The following MUC5B variants were observed in gnomAD, a reference collection of about 807,000 sequenced individuals.
MUC5B encodes the protein mucin-5B.
In MUC5B, 116 loss-of-function variants were observed where a neutral mutation model predicts 376.9. The observed-to-expected ratio is 0.31, with a 90% confidence interval of 0.26 to 0.36. MUC5B has a LOEUF of 0.36. Among genes scored for constraint, MUC5B ranks in the 10% least tolerant of loss-of-function variants. The pLI, the probability that MUC5B is intolerant of heterozygous loss-of-function variation, is 1.00. For missense variants in MUC5B, 7,165 were observed against 7,769.9 expected (o/e 0.92, Z 2.93); for synonymous variants, 3,517 against 3,390.9 (o/e 1.04, Z -1.29).
In MUC5B at chr11:1,248,828, C is replaced by T. The variant is rs1435438734; in HGVS notation, c.11948C>T (p.Pro3983Leu). 6.5e-7 allele frequency: 1 copy of T among 1,548,332 alleles called. No individual in the cohort carries two copies. The highest frequency in any genetic ancestry group is 2.4e-5 in the East Asian group (1 of 40,876). The change falls in exon 31 of 49, where the codon CCT becomes CTT. Residue 3983 changes from proline (P) to leucine (L), a missense_variant. Physicochemically the swap from Pro to Leu is moderately conservative, Grantham distance 98 (BLOSUM62 -3). Transcript: ENST00000529681. Reference sequence around the variant, plus strand: ...GTGCTGACCACCACCGCCACCACACCTGCAGCCACCAGCAGCACAGTGACT... The same window carrying T: ...GTGCTGACCACCACCGCCACCACACTTGCAGCCACCAGCAGCACAGTGACT... ...PPVLTTTATTPAATSSTVTPS... is the reference protein window; with the variant it reads ...PPVLTTTATTLAATSSTVTPS...
In MUC5B at chr11:1,257,012, C is replaced by T. The variant is rs146156813; in HGVS notation, c.16238-228C>T. On this transcript the variant is annotated intron_variant, in intron 39 of 48. Coordinates refer to ENST00000529681, the MANE Select transcript of MUC5B (RefSeq NM_002458.3). The surrounding 1 kb of genome is among the most constrained non-coding windows in gnomAD (Gnocchi z 8.9). The stretch of plus-strand genomic sequence containing the variant: ...CTTGAGTGATCCTGTGATGGTCCCT[C>T]CCCTGAGCCCTGCCTCCCACCACCA... 1.1e-3 allele frequency among the ~76,000 whole-genome samples: 164 copies of T among 152,276 alleles called. No individual in the cohort carries two copies. Among genetic ancestry groups the T allele is most frequent in the Non-Finnish European group, 1.7e-3 (115 of 68,022 alleles).
Position 1,244,199 on chromosome 11 carries a change from C to T in MUC5B, c.7319C>T (p.Thr2440Ile). 6.2e-7 allele frequency: 1 copy of T among 1,612,434 alleles called. No homozygotes were observed. Among genetic ancestry groups the T allele is most frequent in the Non-Finnish European group, 8.5e-7 (1 of 1,178,904 alleles). ...PGTTWILTEL[T>I]TTATTTESTG... ...ACGACCTGGATCCTCACAGAGCTGA[C>T]CACAACAGCCACTACGACTGAGTCC... is the stretch of plus-strand genomic sequence containing the variant. The change falls in exon 31 of 49, where the codon ACC becomes ATC. Residue 2440 changes from threonine (T) to isoleucine (I), a missense_variant. This residue lies in a region of MUC5B where 194 missense variants were observed against 268.5 expected (regional missense o/e 0.72). Coordinates refer to ENST00000529681, the MANE Select transcript of MUC5B (RefSeq NM_002458.3).
In MUC5B at chr11:1,246,729, G is replaced by A. The variant is rs770310208; in HGVS notation, c.9849G>A (p.Thr3283=). The A allele has an allele frequency of 2.3e-4, 369 of 1,604,846 alleles. 11 individuals carry two copies. Among genetic ancestry groups the A allele is most frequent in the Non-Finnish European group, 2.9e-4 (340 of 1,175,540 alleles). Residue 3283 remains threonine, a synonymous_variant, in exon 31 of 49, where the codon ACG becomes ACA. Coordinates refer to ENST00000529681, the MANE Select transcript of MUC5B (RefSeq NM_002458.3). ...TVHTSTVLTT[T]TTTTRATGSV... ...ACACCTCCACAGTGCTTACCACCAC[G>A]ACCACCACAACCAGGGCCACCGGCT... is the stretch of plus-strand genomic sequence containing the variant.
intron 47 of MUC5B, 75 bp downstream of exon 47, chr11:1,260,468 T>A (rs1480387495): frequency 6.4e-7 from 1 of 1,556,024 alleles, no homozygotes; most frequent in Non-Finnish European, 8.8e-7. Context: ...TGCCCAGACA[T>A]CTGCACTAGG....
intron 26 of MUC5B, 118 bp downstream of exon 26, chr11:1,239,145 G>C (rs1425616958): frequency 8.0e-7 from 1 of 1,253,252 alleles, no homozygotes; most frequent in African/African-American, 1.5e-5. Context: ...CATCCAACAC[G>C]CATGTGCCTC....
intron 24 of MUC5B, 127 bp downstream of exon 24, chr11:1,236,689 G>C: frequency 8.7e-7 from 1 of 1,155,744 alleles, no homozygotes; most frequent in Non-Finnish European, 1.2e-6. Flanking sequence ...TGAGGGCCCT[G>C]CCTGTGGCCT....
Position 1,230,249 on chromosome 11 carries a change from C to A in MUC5B, c.1359+106C>A, listed in dbSNP as rs1861993491. The A allele has an allele frequency of 2.4e-5, 34 of 1,435,286 alleles. 2 individuals are homozygous for A. The South Asian group carries it at 4.5e-4, about 19-fold the overall frequency. The allele number at this position is 1,435,286 out of a possible 1,614,324, so 88.9% of individuals were successfully genotyped here. The stretch of plus-strand genomic sequence containing the variant: ...CGATGGTCATAGAGGGGTGGATGTC[C>A]CTGCTGAGGGGGGAGCCCTGGGTCC... On this transcript the variant is annotated intron_variant, in intron 11 of 48. Coordinates refer to ENST00000529681, the MANE Select transcript of MUC5B (RefSeq NM_002458.3).
Position 1,233,018 on chromosome 11 carries a change from TAC to T in MUC5B, c.2073_2074del (p.Met692AlafsTer25). 6.3e-7 allele frequency: 1 copy of T among 1,588,724 alleles called. No homozygotes were observed. On this transcript the variant is annotated frameshift_variant, in exon 18 of 49. Coordinates refer to ENST00000529681, the MANE Select transcript of MUC5B (RefSeq NM_002458.3). LOFTEE classifies it high-confidence loss of function. The part of the protein sequence containing the change: ...SDWRDGVCTK[Y>X]MQNCPKSQRY... ...CCTGGCCCCACCGACCACAGCCAAG[TAC>T]ATGCAGAACTGCCCCAAGTCCCAGC... is the stretch of plus-strand genomic sequence containing the variant.
chr11:1,223,603 G>C (rs899125722), intron 1 of MUC5B, among the ~76,000 whole-genome samples: 1 of 152,156 alleles, frequency 6.6e-6, no homozygotes, highest in Non-Finnish European at 1.5e-5. Context: ...GTCCAGGACC[G>C]GCTCTACCCT....
In MUC5B at chr11:1,256,676, A is replaced by G; in HGVS notation, c.16142A>G (p.Gln5381Arg). The change falls in exon 39 of 49, where the codon CAG (glutamine) becomes CGG (arginine). Residue 5381 changes from glutamine to arginine, a missense_variant. This residue lies in a region of MUC5B where 842 missense variants were observed against 1,016.9 expected (regional missense o/e 0.83). Transcript: ENST00000529681. ...CCTCTCTTGTCATCCTGCAGGAACC[A>G]GAGCCCACAGCTGGAGGGGATGGCG... Reference protein sequence around the residue: ...IQPATCNSRNQSPQLEGMAEG... With the variant: ...IQPATCNSRNRSPQLEGMAEG... The G allele has an allele frequency of 1.3e-6, 2 of 1,563,496 alleles. No individual in the cohort carries two copies. The highest frequency in any genetic ancestry group is 1.7e-6 in the Non-Finnish European group (2 of 1,155,880).
intron 14 of MUC5B, 96 bp downstream of exon 14, chr11:1,231,656 G>C (rs1012395979): frequency 1.4e-6 from 2 of 1,404,058 alleles, no homozygotes; most frequent in Admixed American, 2.3e-5. Context: ...GGCGGGCAGG[G>C]GACCGGGGAG....
At chr11:1,231,696 C>A in intron 14 of MUC5B, 136 bp downstream of exon 14, 1 of 1,176,896 alleles carries the variant, frequency 8.5e-7, no homozygotes, top group Non-Finnish European at 1.2e-6. Flanking sequence ...GGCGGAGATC[C>A]TGGTGCCAGC....
At chr11:1,232,275 TG>T in intron 15 of MUC5B, 115 bp downstream of exon 15, 1 of 1,384,368 alleles carries the variant, frequency 7.2e-7, no homozygotes, top group Non-Finnish European at 9.8e-7. Context: ...TGGAGGCAGG[TG>T]GGAGGCATCA....
At position 1,238,959 on chromosome 11, in the gene MUC5B, T is replaced by C. The variant is rs770894519; in HGVS notation, c.3386T>C (p.Val1129Ala). 6.3e-7 allele frequency: 1 copy of C among 1,575,158 alleles called. No individual in the cohort carries two copies. Among genetic ancestry groups the C allele is most frequent in the South Asian group, 1.2e-5 (1 of 86,036 alleles). ...GGDCECFCTAVAAYAQACHDA... is the reference protein window; with the variant it reads ...GGDCECFCTAAAAYAQACHDA... ...GACTGCGAGTGTTTCTGCACGGCTG[T>C]GGCTGCCTACGCCCAGGCCTGCCAC... The change falls in exon 26 of 49, where the codon GTG (valine) becomes GCG (alanine). Residue 1129 changes from valine to alanine, a missense_variant. Val to Ala is a moderately conservative substitution (Grantham distance 64). Around this residue, in one of 31 missense-constraint regions of MUC5B, gnomAD observed 143 missense variants for 193.2 expected, o/e 0.74. Coordinates refer to ENST00000529681, the MANE Select transcript of MUC5B (RefSeq NM_002458.3).
At chr11:1,259,608 G>T in intron 44 of MUC5B, 148 bp from the exon 45 acceptor site, 1 of 719,954 alleles carries the variant, frequency 1.4e-6, no homozygotes. Flanking sequence ...CGGGATAACT[G>T]AGTGGGGGCA....
Position 1,248,720 on chromosome 11 carries a change from T to G in MUC5B, c.11840T>G (p.Leu3947Arg), listed in dbSNP as rs1489025270. The change falls in exon 31 of 49, where the codon CTG becomes CGG. Residue 3947 changes from leucine to arginine, a missense_variant. Physicochemically the swap from Leu to Arg is moderately radical, Grantham distance 102. Coordinates refer to ENST00000529681, the MANE Select transcript of MUC5B (RefSeq NM_002458.3). Reference sequence around the variant, plus strand: ...CAGACCAGTGGTACTCCCCCATCACTGATCACCACGGCCACTACGATCACG... The same window carrying G: ...CAGACCAGTGGTACTCCCCCATCACGGATCACCACGGCCACTACGATCACG... The part of the protein sequence containing the change: ...STQTSGTPPS[L>R]ITTATTITAT... 4 of 1,567,034 alleles carry G rather than the reference T, an allele frequency of 2.6e-6. No individual in the cohort carries two copies. The African/African-American group carries it at 5.5e-5, about 22-fold the overall frequency.
At chr11:1,236,263 G>T in intron 23 of MUC5B, 123 bp from the exon 24 acceptor site, 2 of 947,738 alleles carry the variant, frequency 2.1e-6, no homozygotes, top group South Asian at 1.9e-5. Context: ...CACCCCTAAC[G>T]CCAGCCGCTT....
intron 7 of MUC5B, 90 bp from the exon 8 acceptor site, chr11:1,228,474 C>G: frequency 7.8e-7 from 1 of 1,287,520 alleles, no homozygotes; most frequent in Non-Finnish European, 1.0e-6. Context: ...AGAGGGCTTC[C>G]CGGCCTGGCC....
rs1452846419 is a variant in MUC5B at position 1,234,136 on chromosome 11, C to G, written c.2378-69C>G. 1 of 1,298,934 alleles carries G rather than the reference C, an allele frequency of 7.7e-7. No individual in the cohort carries two copies. The highest frequency in any genetic ancestry group is 1.3e-5 in the South Asian group (1 of 78,154). The allele number at this position is 1,298,934 out of a possible 1,614,324, so 80.5% of individuals were successfully genotyped here. On this transcript the variant is annotated intron_variant, in intron 19 of 48. Transcript: ENST00000529681. The surrounding 1 kb of genome is among the most constrained non-coding windows in gnomAD (Gnocchi z 6.3). ...CTTGATCAGCAGGACAGGCTCAGGGCTGCCTGGGGTCAGTTGAGGGCCGTG... is the reference window on the plus strand; with the variant it reads ...CTTGATCAGCAGGACAGGCTCAGGGGTGCCTGGGGTCAGTTGAGGGCCGTG...
Sources: gnomAD v4.1 joint callset for allele counts (sites outside exome capture counted in the v4.1 genomes callset) on GRCh38, gnomAD v4.1.1 for gene constraint, gnomAD v4.1.1 regional missense constraint, Gnocchi (gnomAD v3.1) non-coding constraint, MANE v1.5 for transcripts, NCBI Gene and HGNC (gene_info 2026-07-23, HGNC 2026-07-21) for gene names.